SNX3: variants seen among roughly 807,000 people sequenced by gnomAD.
SNX3 encodes sorting nexin 3, also known as sorting nexin-3.
Under a neutral mutation model 17.7 loss-of-function variants are expected in SNX3, and 5 were observed. The observed-to-expected ratio is 0.28, with a 90% CI of 0.15 to 0.59. The LOEUF (loss-of-function observed/expected upper bound fraction) is 0.59. Among genes scored for constraint, SNX3 ranks in the 20% least tolerant of loss-of-function variants. The probability of loss-of-function intolerance (pLI) is 0.88; values close to 1 mark genes in which losing one functional copy is unlikely to be tolerated. For missense variants in SNX3, 132 were observed against 206.8 expected (o/e 0.64, Z 2.22); for synonymous variants, 91 against 76.5 (o/e 1.19, Z -0.99).
chr6:108,211,922 A>G lies in SNX3; in HGVS notation c.*227T>C, dbSNP rs527597128. 6.2e-5 allele frequency: 26 copies of G among 420,576 alleles called. No homozygotes were observed. The highest frequency in any genetic ancestry group is 1.1e-4 in the Non-Finnish European group (25 of 235,910). The allele number at this position is 420,576 out of a possible 1,614,324, so 26.1% of individuals were successfully genotyped here. On this transcript the variant is annotated 3_prime_UTR_variant, in exon 4 of 4. Coordinates refer to ENST00000230085, the MANE Select transcript of SNX3 (RefSeq NM_003795.6). ...TGAGGCTATAGTGTGCACCACATTA[A>G]AACAGCAAGAAAGAGCTATTTATAT...
At chr6:108,250,484 T>C (rs1444516223) in intron 1 of SNX3, among the ~76,000 whole-genome samples, 1 of 152,220 alleles carries the variant, frequency 6.6e-6, no homozygotes, top group Non-Finnish European at 1.5e-5. Flanking sequence ...CTCCTCAGTG[T>C]CCTAAGAATG....
At chr6:108,219,444 A>G (rs1263020870) in intron 2 of SNX3, among the ~76,000 whole-genome samples, 1 of 152,080 alleles carries the variant, frequency 6.6e-6, no homozygotes, top group African/African-American at 2.4e-5. Flanking sequence ...CATCCTTACA[A>G]AAAATTTTTT....
intron 1 of SNX3, among the ~76,000 whole-genome samples, chr6:108,259,914 T>C (rs546519540): frequency 3.2e-4 from 49 of 152,392 alleles, no homozygotes; most frequent in African/African-American, 1.1e-3. Context: ...GATGCTTCCA[T>C]ACATGGGCAA....
chr6:108,240,197 C>T (rs1775473456), intron 1 of SNX3, among the ~76,000 whole-genome samples: 1 of 152,098 alleles, frequency 6.6e-6, no homozygotes, highest in Admixed American at 6.5e-5. Context: ...TTATGAAGAG[C>T]AGAAGTCTGT....
Position 108,212,785 on chromosome 6 carries a change from T to C in SNX3, c.384-531A>G, listed in dbSNP as rs143300026. On this transcript the variant is annotated intron_variant, in intron 3 of 3. Transcript: ENST00000230085. ...CAAATTTTTCACTGCTTGTGGCACA[T>C]GTACCCAATTAGCTTTACATCATAG... Among the ~76,000 whole-genome samples, 31 of 152,288 alleles carry C rather than the reference T, an allele frequency of 2.0e-4. 1 individual carries two copies. The East Asian group carries it at 5.4e-3, about 27-fold the overall frequency.
At chr6:108,244,624 G>A (rs1305939251) in intron 1 of SNX3, among the ~76,000 whole-genome samples, 1 of 144,554 alleles carries the variant, frequency 6.9e-6, no homozygotes, top group African/African-American at 2.6e-5. Context: ...AAATAATATA[G>A]TCTATAAGAA....
chr6:108,211,961 T>C lies in SNX3; in HGVS notation c.*188A>G, dbSNP rs1031183897. 2 of 501,016 alleles carry C rather than the reference T, an allele frequency of 4.0e-6. No homozygotes were observed. The highest frequency in any genetic ancestry group is 4.0e-5 in the African/African-American group (2 of 49,984). The allele number at this position is 501,016 out of a possible 1,614,324, so 31.0% of individuals were successfully genotyped here. A position where few individuals can be genotyped will look rare whatever the true frequency, so the allele number is the denominator to read the frequency against. On this transcript the variant is annotated 3_prime_UTR_variant, in exon 4 of 4. Transcript: ENST00000230085. Reference sequence around the variant, plus strand: ...AGCTATTTATATAGAAAGGCTGGAATGAGGGATTTTTACTAAAGCAAATTA... The same window carrying C: ...AGCTATTTATATAGAAAGGCTGGAACGAGGGATTTTTACTAAAGCAAATTA...
At chr6:108,253,988 G>T (rs998614738) in intron 1 of SNX3, among the ~76,000 whole-genome samples, 4 of 151,504 alleles carry the variant, frequency 2.6e-5, no homozygotes, top group Non-Finnish European at 5.9e-5. Flanking sequence ...TTAGCCAGGC[G>T]TGGTGGCAGG....
intron 1 of SNX3, among the ~76,000 whole-genome samples, chr6:108,233,845 T>C (rs1282287596): frequency 1.3e-5 from 2 of 152,224 alleles, no homozygotes; most frequent in African/African-American, 4.8e-5. Flanking sequence ...ATATGGGCGA[T>C]AATATTTTAC....
intron 1 of SNX3, among the ~76,000 whole-genome samples, chr6:108,259,436 C>G (rs967682268): frequency 1.3e-5 from 2 of 151,968 alleles, no homozygotes; most frequent in Non-Finnish European, 2.9e-5. Flanking sequence ...TTTCTCCATG[C>G]TGGTCAGGCT....
At chr6:108,248,937 GAGAC>G (rs1298990563) in intron 1 of SNX3, among the ~76,000 whole-genome samples, 1 of 152,046 alleles carries the variant, frequency 6.6e-6, no homozygotes, top group Non-Finnish European at 1.5e-5. Flanking sequence ...TTAGACAAGA[GAGAC>G]AGAGTTTGTA....
chr6:108,237,890 G>A (rs1775398132), intron 1 of SNX3, among the ~76,000 whole-genome samples: 2 of 151,332 alleles, frequency 1.3e-5, no homozygotes, highest in African/African-American at 4.9e-5. Flanking sequence ...TTGAACTCAG[G>A]AGTTTGAGAC....
chr6:108,228,710 G>C (rs574268214), intron 1 of SNX3, among the ~76,000 whole-genome samples: 1 of 151,504 alleles, frequency 6.6e-6, no homozygotes, highest in African/African-American at 2.4e-5. Flanking sequence ...AAAAAAGGGG[G>C]GCATTTTGGT....
chr6:108,238,113 A>C (rs1260389710), intron 1 of SNX3, among the ~76,000 whole-genome samples: 3 of 151,428 alleles, frequency 2.0e-5, no homozygotes, highest in Admixed American at 6.6e-5. Flanking sequence ...AAAAAAAAAA[A>C]AAAAAAACAA....
chr6:108,241,574 GCTGACAAA>G (rs1775524763), intron 1 of SNX3, among the ~76,000 whole-genome samples: 3 of 151,636 alleles, frequency 2.0e-5, no homozygotes, highest in Non-Finnish European at 4.4e-5. Context: ...ACTGAGATAA[GCTGACAAA>G]CTGACTCAGG....
chr6:108,220,630 T>C (rs913790894), intron 2 of SNX3, among the ~76,000 whole-genome samples: 5 of 152,190 alleles, frequency 3.3e-5, no homozygotes, highest in Non-Finnish European at 7.3e-5. Context: ...GAATGTATTC[T>C]CATCATTAAG....
intron 1 of SNX3, among the ~76,000 whole-genome samples, chr6:108,241,199 T>G (rs144674972): frequency 1.4e-5 from 2 of 144,776 alleles, no homozygotes; most frequent in Admixed American, 1.4e-4. Context: ...GCTGTATGCA[T>G]GCTCAGCTGG....
chr6:108,253,605 C>A (rs1775938870), intron 1 of SNX3, among the ~76,000 whole-genome samples: 1 of 152,108 alleles, frequency 6.6e-6, no homozygotes, highest in Admixed American at 6.6e-5. Context: ...CTATCTTTGA[C>A]AAATGTCACT....
chr6:108,233,352 C>G (rs1775227779), intron 1 of SNX3, among the ~76,000 whole-genome samples: 1 of 152,166 alleles, frequency 6.6e-6, no homozygotes, highest in Non-Finnish European at 1.5e-5. Flanking sequence ...AATAGTCTAA[C>G]ACCTTTTTTG....
Sources: allele counts gnomAD v4.1 joint callset (sites outside exome capture counted in the v4.1 genomes callset), GRCh38; gene constraint gnomAD v4.1.1; transcripts MANE v1.5; gene names NCBI Gene and HGNC (gene_info 2026-07-23, HGNC 2026-07-21).